The following SLC8A3 variants were observed in gnomAD, a reference collection of about 807,000 sequenced individuals.
SLC8A3 encodes the protein solute carrier family 8 member A3, also known as sodium/calcium exchanger 3.
In SLC8A3, 37 loss-of-function variants were observed where a neutral mutation model predicts 65.4. The ratio of observed to expected loss-of-function variants is 0.57; its 90% CI spans 0.44 to 0.74. The LOEUF (loss-of-function observed/expected upper bound fraction) is 0.74, where lower values mean the gene tolerates loss of function less well. Ranked by LOEUF, SLC8A3 falls within the 30% of genes least tolerant of loss-of-function variation. SLC8A3 has a pLI of 0.00. For synonymous variants in SLC8A3, 461 were observed against 444.5 expected, an observed-to-expected ratio of 1.04 and a Z score of -0.47; for missense variants, 1,112 against 1,172.1, an observed-to-expected ratio of 0.95 and a Z score of 0.75.
chr14:70,066,884 A>G (rs1288087183), intron 2 of SLC8A3, among the ~76,000 whole-genome samples: 2 of 152,154 alleles, frequency 1.3e-5, no homozygotes, highest in African/African-American at 4.8e-5. Context: ...GTAGCCTCCT[A>G]AGAGATTTTC....
At chr14:70,174,671 T>TG (rs1566833603) in intron 1 of SLC8A3, among the ~76,000 whole-genome samples, 26 of 110,536 alleles carry the variant, frequency 2.4e-4, no homozygotes, top group Admixed American at 6.1e-4. Flanking sequence ...TGTTTTTTTT[T>TG]TTTTTTTTTT....
At chr14:70,075,032 T>C (rs1890355893) in intron 2 of SLC8A3, among the ~76,000 whole-genome samples, 1 of 127,896 alleles carries the variant, frequency 7.8e-6, no homozygotes, top group Non-Finnish European at 1.8e-5. Flanking sequence ...CAAGAGATTG[T>C]TTCTCTTTTG....
chr14:70,108,413 A>AT (rs1038436987), intron 2 of SLC8A3, among the ~76,000 whole-genome samples: 3 of 151,758 alleles, frequency 2.0e-5, no homozygotes, highest in African/African-American at 7.3e-5. Context: ...AAAAAAAAAA[A>AT]AGAAAAATGA....
In SLC8A3 at chr14:70,045,889, G is replaced by C; in HGVS notation, c.*58C>G. On this transcript the variant is annotated 3_prime_UTR_variant, in exon 7 of 7. Transcript: ENST00000356921. ...GTCGGGAGAGATCACTGGTGGGGAA[G>C]TGCCCTTCTCTTAGGAGAAGTCCTA... 2 of 1,463,124 alleles carry C rather than the reference G, an allele frequency of 1.4e-6. No homozygotes were observed. The highest frequency in any genetic ancestry group is 9.1e-7 in the Non-Finnish European group (1 of 1,093,786). 90.6% of individuals were successfully genotyped at this position (1,463,124 alleles called of 1,614,324 possible). A position where few individuals can be genotyped will look rare whatever the true frequency, so the allele number is the denominator to read the frequency against.
At chr14:70,166,277 C>T (rs936977279) in intron 2 of SLC8A3, among the ~76,000 whole-genome samples, 6 of 152,130 alleles carry the variant, frequency 3.9e-5, no homozygotes, top group East Asian at 3.8e-4. Context: ...GAAGAAGAGG[C>T]CCAAGCAGTT....
chr14:70,094,545 C>T (rs933778307), intron 2 of SLC8A3, among the ~76,000 whole-genome samples: 6 of 152,202 alleles, frequency 3.9e-5, no homozygotes, highest in Non-Finnish European at 8.8e-5. Context: ...CTTTTCTCCC[C>T]AACCTGCTGA....
At chr14:70,048,392 T>G (rs1275447629) in intron 6 of SLC8A3, 1 of 557,198 alleles carries the variant, frequency 1.8e-6, no homozygotes. Flanking sequence ...ACTCACATAA[T>G]GTGGAGGTTA....
chr14:70,153,986 G>A (rs1333564116), intron 2 of SLC8A3, among the ~76,000 whole-genome samples: 1 of 152,232 alleles, frequency 6.6e-6, no homozygotes, highest in Non-Finnish European at 1.5e-5. Flanking sequence ...AGAATCCTCT[G>A]CAGACCAGCT....
chr14:70,168,047 T>G lies in SLC8A3; in HGVS notation c.376A>C (p.Ile126Leu). The G allele has an allele frequency of 1.9e-6, 3 of 1,614,058 alleles. No homozygotes were observed. Among genetic ancestry groups the G allele is most frequent in the South Asian group, 1.1e-5 (1 of 91,060 alleles). The change falls in exon 2 of 7, where the codon ATT (isoleucine) becomes CTT (leucine). Residue 126 changes from isoleucine (I) to leucine (L), a missense_variant. Transcript: ENST00000356921. ...KPNGETSTTT[I>L]RVWNETVSNL... ...GAGACAGTTTCATTCCAGACCCGAA[T>G]AGTGGTTGTGCTGGTTTCTCCATTG...
At chr14:70,099,657 T>C (rs1892432914) in intron 2 of SLC8A3, among the ~76,000 whole-genome samples, 1 of 152,060 alleles carries the variant, frequency 6.6e-6, no homozygotes, top group African/African-American at 2.4e-5. Flanking sequence ...GGCAGGAAAA[T>C]GACCTAGATT....
At chr14:70,139,319 C>T (rs542778189) in intron 2 of SLC8A3, among the ~76,000 whole-genome samples, 14 of 152,274 alleles carry the variant, frequency 9.2e-5, no homozygotes, top group African/African-American at 2.6e-4. Flanking sequence ...CAAAATTGTT[C>T]AGAAAGATTA....
intron 2 of SLC8A3, among the ~76,000 whole-genome samples, chr14:70,129,422 T>C (rs1397167449): frequency 1.3e-5 from 2 of 152,204 alleles, no homozygotes; most frequent in Admixed American, 6.5e-5. Flanking sequence ...GTTTTATATA[T>C]ATTATCACAC....
chr14:70,053,142 G>A lies in SLC8A3; in HGVS notation c.1889-1028C>T, dbSNP rs551270544. Among the ~76,000 whole-genome samples, 7 of 152,268 alleles carry A rather than the reference G, an allele frequency of 4.6e-5. No individual in the cohort carries two copies. In the South Asian group the frequency reaches 1.0e-3, roughly 23 times the overall value. On this transcript the variant is annotated intron_variant, in intron 3 of 6. Coordinates refer to ENST00000356921, the MANE Select transcript of SLC8A3 (RefSeq NM_182932.3). Reference sequence around the variant, plus strand: ...GAGTTCGCTGTTTTGCTCAGTGTTCGGGCACCAAACACAGAAGGCAATCCT... The same window carrying A: ...GAGTTCGCTGTTTTGCTCAGTGTTCAGGCACCAAACACAGAAGGCAATCCT...
rs369258778 is a variant in SLC8A3 at position 70,168,388 on chromosome 14, G to A, written c.35C>T (p.Ala12Val). 4.3e-5 allele frequency: 70 copies of A among 1,613,986 alleles called. No homozygotes were observed. The highest frequency in any genetic ancestry group is 5.7e-5 in the Non-Finnish European group (67 of 1,180,008). ...GGTAACCAGCCCAAAATGGAGGAAG[G>A]CAGAGGTGAGAGGCTGCAACCTTAA... ...AWLRLQPLTS[A>V]FLHFGLVTFV... is the part of the protein sequence containing the mutation. Residue 12 changes from alanine to valine, a missense_variant, in exon 2 of 7, where the codon GCC becomes GTC. Coordinates refer to ENST00000356921, the MANE Select transcript of SLC8A3 (RefSeq NM_182932.3).
intron 2 of SLC8A3, among the ~76,000 whole-genome samples, chr14:70,068,885 C>T (rs1889727750): frequency 2.6e-5 from 4 of 152,116 alleles, no homozygotes; most frequent in African/African-American, 4.8e-5. Context: ...TGCCACCATG[C>T]CTGGCTAATT....
Position 70,167,293 on chromosome 14 carries a change from G to A in SLC8A3, c.1130C>T (p.Ala377Val). ...NILKKHAAEQ[A>V]KKASSMSEVH... Reference sequence around the variant, plus strand: ...CTCGCTCATGCTGGAGGCCTTCTTGGCTTGTTCTGCTGCATGTTTCTTCAG... The same window carrying A: ...CTCGCTCATGCTGGAGGCCTTCTTGACTTGTTCTGCTGCATGTTTCTTCAG... The change falls in exon 2 of 7, where the codon GCC becomes GTC. Residue 377 changes from alanine (A) to valine (V), a missense_variant. Physicochemically the swap from Ala to Val is moderately conservative, Grantham distance 64. Coordinates refer to ENST00000356921, the MANE Select transcript of SLC8A3 (RefSeq NM_182932.3). 6.2e-7 allele frequency: 1 copy of A among 1,614,190 alleles called. No individual in the cohort carries two copies. Among genetic ancestry groups the A allele is most frequent in the Non-Finnish European group, 8.5e-7 (1 of 1,180,038 alleles).
chr14:70,117,310 T>G (rs1343945798), intron 2 of SLC8A3, among the ~76,000 whole-genome samples: 1 of 152,218 alleles, frequency 6.6e-6, no homozygotes, highest in Non-Finnish European at 1.5e-5. Flanking sequence ...TTGGAGACAT[T>G]TCTGAAGGGT....
chr14:70,145,026 CT>C (rs1895839871), intron 2 of SLC8A3, among the ~76,000 whole-genome samples: 1 of 152,186 alleles, frequency 6.6e-6, no homozygotes, highest in Non-Finnish European at 1.5e-5. Context: ...CTCAGCTGGA[CT>C]TTGTTAAATG....
At chr14:70,174,231 C>G in intron 1 of SLC8A3, among the ~76,000 whole-genome samples, 1 of 152,320 alleles carries the variant, frequency 6.6e-6, no homozygotes, top group East Asian at 1.9e-4. Flanking sequence ...TGGAGGCCCC[C>G]GACAAGCTTG....
Sources: allele counts gnomAD v4.1 joint callset (sites outside exome capture counted in the v4.1 genomes callset), GRCh38; gene constraint gnomAD v4.1.1; transcripts MANE v1.5; gene names NCBI Gene and HGNC (gene_info 2026-07-23, HGNC 2026-07-21).